The following PRRX1 variants were observed in gnomAD, a reference collection of about 807,000 sequenced individuals.
PRRX1 encodes paired related homeobox 1.
PRRX1 carries 8 observed loss-of-function variants against 24.0 expected under a neutral mutation model. The observed-to-expected ratio is 0.33, with a 90% CI of 0.20 to 0.60. The LOEUF is 0.60. Among genes scored for constraint, PRRX1 ranks in the 20% least tolerant of loss-of-function variants. The pLI is 0.82. For missense variants in PRRX1, 281 were observed against 322.4 expected, an observed-to-expected ratio of 0.87 and a Z score of 0.98; for synonymous variants, 160 against 131.7, an observed-to-expected ratio of 1.22 and a Z score of -1.47.
intron 2 of PRRX1, among the ~76,000 whole-genome samples, chr1:170,721,153 T>C (rs1655073298): frequency 6.6e-6 from 1 of 152,194 alleles, no homozygotes; most frequent in African/African-American, 2.4e-5. Flanking sequence ...AAAAACTGAA[T>C]GAATAAGAGT....
At chr1:170,687,015 C>G (rs1009424757) in intron 1 of PRRX1, among the ~76,000 whole-genome samples, 1 of 149,114 alleles carries the variant, frequency 6.7e-6, no homozygotes, top group African/African-American at 2.5e-5. Flanking sequence ...TAAGCATCCT[C>G]CCCCAGCCCC....
intron 3 of PRRX1, among the ~76,000 whole-genome samples, chr1:170,734,635 CTG>C (rs1655546883): frequency 6.7e-6 from 1 of 149,856 alleles, no homozygotes; most frequent in Non-Finnish European, 1.5e-5. Flanking sequence ...TCTGAGTCTC[CTG>C]TGTCAGAACA....
At chr1:170,732,189 C>T (rs1655457211) in intron 3 of PRRX1, among the ~76,000 whole-genome samples, 1 of 152,228 alleles carries the variant, frequency 6.6e-6, no homozygotes, top group Non-Finnish European at 1.5e-5. Flanking sequence ...GGTCATTTTA[C>T]ATGTTCCGAA....
At chr1:170,671,369 T>C (rs1038869450) in intron 1 of PRRX1, among the ~76,000 whole-genome samples, 3 of 152,228 alleles carry the variant, frequency 2.0e-5, no homozygotes, top group South Asian at 4.1e-4. Flanking sequence ...GTATTTTTGG[T>C]TATAGTGGTG....
chr1:170,692,464 G>A (rs1654020970), intron 1 of PRRX1, among the ~76,000 whole-genome samples: 1 of 151,742 alleles, frequency 6.6e-6, no homozygotes, highest in South Asian at 2.1e-4. Flanking sequence ...ATGTAGTTAA[G>A]GGATCACCTT....
chr1:170,664,899 C>T (rs1005516518), intron 1 of PRRX1, among the ~76,000 whole-genome samples: 3 of 152,192 alleles, frequency 2.0e-5, no homozygotes, highest in African/African-American at 7.2e-5. Flanking sequence ...GGGCTTCTCT[C>T]GGGCAGCGTA....
At chr1:170,666,232 A>T (rs1287209210) in intron 1 of PRRX1, among the ~76,000 whole-genome samples, 2 of 151,996 alleles carry the variant, frequency 1.3e-5, no homozygotes, top group African/African-American at 4.8e-5. Context: ...CAGCCTAACC[A>T]ACGTGGTGAA....
intron 1 of PRRX1, among the ~76,000 whole-genome samples, chr1:170,693,183 A>T (rs1272503938): frequency 7.2e-5 from 11 of 152,128 alleles, no homozygotes; most frequent in Non-Finnish European, 1.6e-4. Flanking sequence ...TTTTGTTATT[A>T]CTACTAATTA....
At chr1:170,695,611 G>A (rs1654140114) in intron 1 of PRRX1, among the ~76,000 whole-genome samples, 1 of 152,076 alleles carries the variant, frequency 6.6e-6, no homozygotes, top group African/African-American at 2.4e-5. Flanking sequence ...TATGTGGCCA[G>A]GCTTGAGTTT....
At chr1:170,672,019 C>T (rs540828816) in intron 1 of PRRX1, among the ~76,000 whole-genome samples, 1 of 152,234 alleles carries the variant, frequency 6.6e-6, no homozygotes, top group Non-Finnish European at 1.5e-5. Flanking sequence ...GAAAACCTGG[C>T]ACCATAGAGT....
chr1:170,664,697 C>G (rs187943771), intron 1 of PRRX1, among the ~76,000 whole-genome samples: 1 of 152,224 alleles, frequency 6.6e-6, no homozygotes, highest in African/African-American at 2.4e-5. Context: ...GGGGACACTC[C>G]GAGGCCCTGC....
In PRRX1 at chr1:170,719,835, C is replaced by G; in HGVS notation, c.351C>G (p.His117Gln). The G allele has an allele frequency of 6.2e-7, 1 of 1,614,214 alleles. No individual in the cohort carries two copies. Among genetic ancestry groups the G allele is most frequent in the Non-Finnish European group, 8.5e-7 (1 of 1,180,038 alleles). ...QALERVFERT[H>Q]YPDAFVREDL... ...TGGAGCGTGTCTTTGAGCGGACACA[C>G]TATCCTGATGCTTTTGTGCGAGAAG... Residue 117 changes from histidine to glutamine, a missense_variant, in exon 2 of 4, where the codon CAC becomes CAG. His to Gln is a conservative substitution (Grantham distance 24). Coordinates refer to ENST00000239461, the MANE Select transcript of PRRX1 (RefSeq NM_022716.4).
chr1:170,706,927 A>AAGACTAG (rs1460367785), intron 1 of PRRX1, among the ~76,000 whole-genome samples: 2 of 152,018 alleles, frequency 1.3e-5, no homozygotes, highest in Non-Finnish European at 2.9e-5. Context: ...CCAGGAGTTC[A>AAGACTAG]AGACTAGTCT....
chr1:170,720,132 G>A (rs557383339), intron 2 of PRRX1, among the ~76,000 whole-genome samples: 2 of 152,164 alleles, frequency 1.3e-5, no homozygotes, highest in East Asian at 3.9e-4. Context: ...TAAATAAACA[G>A]CCAGGCATGA....
chr1:170,733,400 CT>C (rs1313088120), intron 3 of PRRX1, among the ~76,000 whole-genome samples: 2 of 152,116 alleles, frequency 1.3e-5, no homozygotes, highest in Admixed American at 6.6e-5. Flanking sequence ...TTACATAAGA[CT>C]TTGCTTGTCC....
intron 1 of PRRX1, among the ~76,000 whole-genome samples, chr1:170,708,526 G>A (rs1654645137): frequency 6.6e-6 from 1 of 152,078 alleles, no homozygotes; most frequent in African/African-American, 2.4e-5. Context: ...CACGGTGACT[G>A]GAAATGACTA....
intron 3 of PRRX1, among the ~76,000 whole-genome samples, chr1:170,735,357 T>C (rs1202007192): frequency 1.3e-5 from 2 of 152,182 alleles, no homozygotes; most frequent in Non-Finnish European, 1.5e-5. Context: ...ATCTAGGAGA[T>C]TTAAACATTT....
intron 1 of PRRX1, among the ~76,000 whole-genome samples, chr1:170,690,460 A>G (rs1653900510): frequency 6.6e-6 from 1 of 152,072 alleles, no homozygotes; most frequent in African/African-American, 2.4e-5. Context: ...ATAATAATCA[A>G]TTTTGCTCCT....
In PRRX1 at chr1:170,689,843, T is replaced by C. The variant is rs867449061; in HGVS notation, c.241+25384T>C. Among the ~76,000 whole-genome samples the C allele has an allele frequency of 3.0e-3, 372 of 123,766 alleles. 3 individuals carry two copies. Among genetic ancestry groups the C allele is most frequent in the African/African-American group, 8.1e-3 (209 of 25,866 alleles). 81.2% of individuals were successfully genotyped at this position (123,766 alleles called of 152,430 possible). A position where few individuals can be genotyped will look rare whatever the true frequency, so the allele number is the denominator to read the frequency against. Reference sequence around the variant, plus strand: ...CTCTCTCTCTCTCTCTCTCTCCCTCTCTCTCTCTCTCTCTCTCTCTCTCTC... The same window carrying C: ...CTCTCTCTCTCTCTCTCTCTCCCTCCCTCTCTCTCTCTCTCTCTCTCTCTC... On this transcript the variant is annotated intron_variant, in intron 1 of 3. Coordinates refer to ENST00000239461, the MANE Select transcript of PRRX1 (RefSeq NM_022716.4).
Sources: allele counts gnomAD v4.1 joint callset (sites outside exome capture counted in the v4.1 genomes callset), GRCh38; gene constraint gnomAD v4.1.1; transcripts MANE v1.5; gene names NCBI Gene and HGNC (gene_info 2026-07-23, HGNC 2026-07-21).